ZFP42: variants seen among roughly 807,000 people sequenced by gnomAD.
ZFP42 encodes the protein ZFP42 zinc finger protein.
For synonymous variants in ZFP42, 175 were observed against 144.6 expected (o/e 1.21, Z -1.51); for missense variants, 438 against 377.1 (o/e 1.16, Z -1.34).
intron 1 of ZFP42, among the ~76,000 whole-genome samples, chr4:187,997,473 C>A (rs1733647173): frequency 6.6e-6 from 1 of 151,492 alleles, no homozygotes. Context: ...GTGATCCGCC[C>A]GCCTCGGCCT....
Position 188,004,781 on chromosome 4 carries a change from A to ATCTT in ZFP42, c.*1043_*1046dup, listed in dbSNP as rs1164631322. ...CCAGACTGGATAACAGCAAGAGCCC[A>ATCTT]TCTTTTAAAAAAAGTAAAAATTAAA... is the stretch of plus-strand genomic sequence containing the variant. On this transcript the variant is annotated 3_prime_UTR_variant, in exon 4 of 4. Transcript: ENST00000326866. 1 of 167,102 alleles carries ATCTT rather than the reference A, an allele frequency of 6.0e-6. No homozygotes were observed. Among genetic ancestry groups the ATCTT allele is most frequent in the Non-Finnish European group, 1.5e-5 (1 of 68,134 alleles). 10.4% of individuals were successfully genotyped at this position (167,102 alleles called of 1,614,324 possible).
chr4:187,997,777 C>G (rs78449979), intron 1 of ZFP42, among the ~76,000 whole-genome samples: 3,469 of 152,194 alleles, frequency 0.023, 138 homozygotes, highest in African/African-American at 0.078. Context: ...AGCAACCCCA[C>G]GTACTATGGT....
At chr4:187,997,902 G>A (rs1002238879) in intron 1 of ZFP42, among the ~76,000 whole-genome samples, 1 of 152,058 alleles carries the variant, frequency 6.6e-6, no homozygotes, top group African/African-American at 2.4e-5. Flanking sequence ...CGTTTTTAAC[G>A]TAAAAGTTTT....
At chr4:187,997,601 C>G (rs1733653460) in intron 1 of ZFP42, among the ~76,000 whole-genome samples, 2 of 151,842 alleles carry the variant, frequency 1.3e-5, no homozygotes, top group African/African-American at 4.8e-5. Context: ...CCTTTACTGT[C>G]TGTCCCACAC....
At position 188,003,996 on chromosome 4, in the gene ZFP42, T is replaced by C. The variant is rs1733960368; in HGVS notation, c.*256T>C. 8.3e-6 allele frequency: 3 copies of C among 363,572 alleles called. No homozygotes were observed. The highest frequency in any genetic ancestry group is 1.0e-5 in the Non-Finnish European group (2 of 193,904). The allele number at this position is 363,572 out of a possible 1,614,324, so 22.5% of individuals were successfully genotyped here. A position where few individuals can be genotyped will look rare whatever the true frequency, so the allele number is the denominator to read the frequency against. ...AACTTTGTGTGTTCTTAAAGTGTGC[T>C]TCCAACAGGAAGGTCAGTGATAAAT... is the stretch of plus-strand genomic sequence containing the variant. On this transcript the variant is annotated 3_prime_UTR_variant, in exon 4 of 4. Transcript: ENST00000326866.
At position 188,003,547 on chromosome 4, in the gene ZFP42, G is replaced by T. The variant is rs766419652; in HGVS notation, c.740G>T (p.Cys247Phe). 1 of 1,613,644 alleles carries T rather than the reference G, an allele frequency of 6.2e-7. No homozygotes were observed. Among genetic ancestry groups the T allele is most frequent in the Admixed American group, 1.7e-5 (1 of 60,018 alleles). ...CATACTGGAGAGAAGCCGTTTCGGT[G>T]CACTTTTGAAGGGTGCGGAAAGCGC... ...LVHTGEKPFRCTFEGCGKRFS... is the reference protein window; with the variant it reads ...LVHTGEKPFRFTFEGCGKRFS... Residue 247 changes from cysteine to phenylalanine, a missense_variant, in exon 4 of 4, where the codon TGC becomes TTC. Transcript: ENST00000326866.
At chr4:188,000,357 T>C (rs1196069812) in intron 3 of ZFP42, among the ~76,000 whole-genome samples, 1 of 152,038 alleles carries the variant, frequency 6.6e-6, no homozygotes, top group African/African-American at 2.4e-5. Context: ...TTTTGAGATC[T>C]CCCTGGTTAA....
chr4:188,003,251 A>C lies in ZFP42; in HGVS notation c.444A>C (p.Thr148=), dbSNP rs758278664. ...ENSLEYSEYM[T]GKKLPPGGIP... ...CGCTTGAGTATTCTGAGTACATGAC[A>C]GGCAAGAAGCTTCCGCCTGGAGGAA... Residue 148 remains threonine (T), a synonymous_variant, in exon 4 of 4, where the codon ACA becomes ACC. Transcript: ENST00000326866. The C allele has an allele frequency of 3.1e-6, 5 of 1,614,132 alleles. No homozygotes were observed. The highest frequency in any genetic ancestry group is 4.2e-6 in the Non-Finnish European group (5 of 1,180,046).
In ZFP42 at chr4:188,003,631, T is replaced by C. The variant is rs750578054; in HGVS notation, c.824T>C (p.Phe275Ser). 1 of 1,613,524 alleles carries C rather than the reference T, an allele frequency of 6.2e-7. No individual in the cohort carries two copies. The highest frequency in any genetic ancestry group is 1.3e-5 in the African/African-American group (1 of 75,062). ...HVRIHTGEKR[F>S]VCPFQGCNRR... Reference sequence around the variant, plus strand: ...CGCATCCACACGGGGGAGAAACGTTTCGTGTGTCCCTTTCAAGGCTGCAAC... The same window carrying C: ...CGCATCCACACGGGGGAGAAACGTTCCGTGTGTCCCTTTCAAGGCTGCAAC... Residue 275 changes from phenylalanine to serine, a missense_variant, in exon 4 of 4, where the codon TTC (phenylalanine) becomes TCC (serine). Phe to Ser is a radical substitution (Grantham distance 155). Coordinates refer to ENST00000326866, the MANE Select transcript of ZFP42 (RefSeq NM_174900.5).
intron 1 of ZFP42, 143 bp from the exon 2 acceptor site, chr4:187,998,965 T>G (rs966252891): frequency 6.6e-6 from 1 of 152,252 alleles, no homozygotes; most frequent in African/African-American, 2.4e-5. Context: ...GCTTGTATAC[T>G]GCTATGAGAA....
chr4:188,003,429 C>T lies in ZFP42; in HGVS notation c.622C>T (p.His208Tyr). 6.2e-7 allele frequency: 1 copy of T among 1,614,150 alleles called. No individual in the cohort carries two copies. The highest frequency in any genetic ancestry group is 8.5e-7 in the Non-Finnish European group (1 of 1,180,042). Residue 208 changes from histidine (H) to tyrosine (Y), a missense_variant, in exon 4 of 4, where the codon CAT becomes TAT. His to Tyr is a moderately conservative substitution (Grantham distance 83). Coordinates refer to ENST00000326866, the MANE Select transcript of ZFP42 (RefSeq NM_174900.5). ...KLRNRAALRKHLLIHGPRDHV... is the reference protein window; with the variant it reads ...KLRNRAALRKYLLIHGPRDHV... ...GAGGAATAGAGCTGCCCTGAGAAAG[C>T]ATCTCCTCATTCATGGTCCCCGAGA...
At chr4:188,001,547 T>G (rs866155582) in intron 3 of ZFP42, among the ~76,000 whole-genome samples, 35 of 152,350 alleles carry the variant, frequency 2.3e-4, no homozygotes, top group Middle Eastern at 6.8e-3. Flanking sequence ...CGATGGCCCA[T>G]GGGCCAGTCT....
At position 188,003,575 on chromosome 4, in the gene ZFP42, C is replaced by T; in HGVS notation, c.768C>T (p.Phe256=). 1.9e-6 allele frequency: 3 copies of T among 1,613,558 alleles called. No individual in the cohort carries two copies. The highest frequency in any genetic ancestry group is 2.5e-6 in the Non-Finnish European group (3 of 1,180,046). ...CTTTTGAAGGGTGCGGAAAGCGCTT[C>T]TCTCTGGACTTTAATTTGCGTACGC... ...RCTFEGCGKR[F]SLDFNLRTHV... is the part of the protein sequence containing the mutation. The change falls in exon 4 of 4, where the codon TTC becomes TTT. Residue 256 remains phenylalanine, a synonymous_variant. Coordinates refer to ENST00000326866, the MANE Select transcript of ZFP42 (RefSeq NM_174900.5).
intron 1 of ZFP42, among the ~76,000 whole-genome samples, chr4:187,998,236 T>C (rs879855071): frequency 1.3e-5 from 2 of 152,040 alleles, no homozygotes; most frequent in African/African-American, 4.8e-5. Context: ...CTCAGGAGGC[T>C]GACGCGGGAG....
intron 1 of ZFP42, among the ~76,000 whole-genome samples, chr4:187,997,225 A>ATTTTT (rs1484017532): frequency 1.4e-4 from 5 of 36,486 alleles, no homozygotes; most frequent in African/African-American, 5.3e-4. Context: ...CCCCTCTCAT[A>ATTTTT]TTCTTTTTTT....
At position 188,003,032 on chromosome 4, in the gene ZFP42, C is replaced by A. The variant is rs369075421; in HGVS notation, c.225C>A (p.Cys75Ter). The A allele has an allele frequency of 6.2e-7, 1 of 1,614,076 alleles. No individual in the cohort carries two copies. Among genetic ancestry groups the A allele is most frequent in the African/African-American group, 1.3e-5 (1 of 75,028 alleles). Residue 75 changes from cysteine (C) to a stop codon, truncating the protein, a stop_gained, in exon 4 of 4, where the codon TGC becomes TGA. Coordinates refer to ENST00000326866, the MANE Select transcript of ZFP42 (RefSeq NM_174900.5). LOFTEE classifies it low-confidence loss of function (END_TRUNC). Reference protein sequence around the residue: ...GDDFSDCYIECVIRGEFSQPI... With the variant: ...GDDFSDCYIE The stretch of plus-strand genomic sequence containing the variant: ...ATTTCTCAGACTGTTACATAGAATG[C>A]GTCATAAGGGGTGAGTTTTCTCAAC...
At chr4:187,996,160 C>G (rs1023932396) in intron 1 of ZFP42, among the ~76,000 whole-genome samples, 7 of 129,570 alleles carry the variant, frequency 5.4e-5, no homozygotes, top group Non-Finnish European at 1.1e-4. Flanking sequence ...TGTTTCCTTA[C>G]AATATCTGGC....
chr4:187,997,453 T>C (rs1200832042), intron 1 of ZFP42, among the ~76,000 whole-genome samples: 1 of 151,484 alleles, frequency 6.6e-6, no homozygotes, highest in Non-Finnish European at 1.5e-5. Context: ...GGTCTCGATC[T>C]CCTGACCTCG....
At chr4:187,998,580 G>A (rs1007691036) in intron 1 of ZFP42, among the ~76,000 whole-genome samples, 2 of 152,132 alleles carry the variant, frequency 1.3e-5, no homozygotes, top group Admixed American at 6.5e-5. Context: ...CTACACAGGT[G>A]TACCATTTTT....
Sources: gnomAD v4.1 joint callset for allele counts (sites outside exome capture counted in the v4.1 genomes callset) on GRCh38, gnomAD v4.1.1 for gene constraint, MANE v1.5 for transcripts, NCBI Gene and HGNC (gene_info 2026-07-23, HGNC 2026-07-21) for gene names.